The following RASGEF1C variants were observed in gnomAD, a reference collection of about 807,000 sequenced individuals.
RASGEF1C encodes the protein ras-GEF domain-containing family member 1C.
RASGEF1C carries 27 observed loss-of-function variants against 58.1 expected under a neutral mutation model. The observed-to-expected ratio is 0.46, with a 90% CI of 0.34 to 0.64. RASGEF1C has a LOEUF of 0.64. Ranked by LOEUF, RASGEF1C falls within the 30% of genes least tolerant of loss-of-function variation. RASGEF1C has a pLI of 0.01. For synonymous variants in RASGEF1C, 243 were observed against 246.3 expected (o/e 0.99, Z 0.13); for missense variants, 502 against 605.1 (o/e 0.83, Z 1.79).
At chr5:180,125,140 CCAA>C (rs759767490) in intron 6 of RASGEF1C, among the ~76,000 whole-genome samples, 4 of 151,898 alleles carry the variant, frequency 2.6e-5, no homozygotes, top group South Asian at 2.1e-4. Flanking sequence ...CTCAAAAATA[CCAA>C]CAACAACAAC....
chr5:180,152,846 A>G (rs1379911753), intron 1 of RASGEF1C, among the ~76,000 whole-genome samples: 8 of 148,056 alleles, frequency 5.4e-5, no homozygotes, highest in African/African-American at 1.8e-4. Context: ...GAGAGGCGGA[A>G]GTTGCAGTGG....
intron 1 of RASGEF1C, among the ~76,000 whole-genome samples, chr5:180,196,415 T>G (rs565310284): frequency 1.3e-5 from 2 of 151,640 alleles, no homozygotes; most frequent in Admixed American, 1.3e-4. Context: ...GCAGGAGAAT[T>G]GCTTGAATCC....
At chr5:180,110,959 G>A (rs1765950500) in intron 12 of RASGEF1C, among the ~76,000 whole-genome samples, 1 of 152,130 alleles carries the variant, frequency 6.6e-6, no homozygotes, top group Admixed American at 6.5e-5. Context: ...GGGATTACAG[G>A]TAGGCACTAC....
chr5:180,208,375 G>T (rs1223525011), intron 1 of RASGEF1C, among the ~76,000 whole-genome samples: 1 of 152,072 alleles, frequency 6.6e-6, no homozygotes, highest in East Asian at 1.9e-4. Flanking sequence ...AGCATGGGGC[G>T]GCGTCGCCAG....
chr5:180,148,998 G>A (rs1766703609), intron 1 of RASGEF1C, among the ~76,000 whole-genome samples: 1 of 151,838 alleles, frequency 6.6e-6, no homozygotes. Context: ...TTGGTTGACA[G>A]GTTTTTTTAC....
At chr5:180,125,663 T>C (rs919466073) in intron 6 of RASGEF1C, among the ~76,000 whole-genome samples, 1 of 151,908 alleles carries the variant, frequency 6.6e-6, no homozygotes, top group African/African-American at 2.4e-5. Flanking sequence ...ATGCCTGTAA[T>C]CCCAGCTACT....
intron 4 of RASGEF1C, among the ~76,000 whole-genome samples, chr5:180,129,059 C>T (rs532001623): frequency 6.6e-6 from 1 of 152,338 alleles, no homozygotes; most frequent in East Asian, 1.9e-4. Flanking sequence ...AGGCCCAGCT[C>T]GGCCTTCCCC....
At chr5:180,202,838 GATTAC>G (rs1756418600) in intron 1 of RASGEF1C, among the ~76,000 whole-genome samples, 1 of 152,102 alleles carries the variant, frequency 6.6e-6, no homozygotes, top group Non-Finnish European at 1.5e-5. Flanking sequence ...GACTAGCTGG[GATTAC>G]AGGTGCCCGC....
chr5:180,145,382 A>T (rs1487995880), intron 1 of RASGEF1C, among the ~76,000 whole-genome samples: 4 of 152,148 alleles, frequency 2.6e-5, no homozygotes. Flanking sequence ...CAGCCTCCCA[A>T]AGTGCTGGGA....
chr5:180,204,433 T>G (rs1214485677), intron 1 of RASGEF1C, among the ~76,000 whole-genome samples: 1 of 152,218 alleles, frequency 6.6e-6, no homozygotes, highest in African/African-American at 2.4e-5. Flanking sequence ...TATTCATACG[T>G]TTTGTGTCTG....
At chr5:180,152,575 AG>A (rs1356902390) in intron 1 of RASGEF1C, among the ~76,000 whole-genome samples, 3 of 49,220 alleles carry the variant, frequency 6.1e-5, no homozygotes, top group Admixed American at 3.2e-4. Flanking sequence ...GGGTGGGGGG[AG>A]GGGGGAGGGA....
At chr5:180,184,178 AAAATAAAT>A (rs71001083) in intron 1 of RASGEF1C, among the ~76,000 whole-genome samples, 13 of 142,292 alleles carry the variant, frequency 9.1e-5, no homozygotes, top group South Asian at 2.1e-4. Flanking sequence ...TAAATAAATA[AAAATAAAT>A]AAATAAATAA....
chr5:180,152,479 T>C (rs565804742), intron 1 of RASGEF1C, among the ~76,000 whole-genome samples: 4,058 of 145,088 alleles, frequency 0.028, 194 homozygotes, highest in African/African-American at 0.097. Flanking sequence ...AGCCAAACAC[T>C]GCATGTTCTC....
intron 1 of RASGEF1C, among the ~76,000 whole-genome samples, chr5:180,160,775 G>A (rs1766927768): frequency 6.6e-6 from 1 of 152,208 alleles, no homozygotes; most frequent in African/African-American, 2.4e-5. Context: ...TGCACAGCTT[G>A]AGAACGTCCC....
In RASGEF1C at chr5:180,137,837, G is replaced by C; in HGVS notation, c.177+39C>G. On this transcript the variant is annotated intron_variant, in intron 2 of 13. Transcript: ENST00000361132. This position sits in a 1 kb window ranked among gnomAD's most constrained non-coding sequence, Gnocchi z 4.1. ...CCTGATGCCCCCCGTGCGTGGTGGAGGAGAGCCCACTCTCCTGCCCGCTGG... is the reference window on the plus strand; with the variant it reads ...CCTGATGCCCCCCGTGCGTGGTGGACGAGAGCCCACTCTCCTGCCCGCTGG... The C allele has an allele frequency of 6.2e-7, 1 of 1,605,616 alleles. No individual in the cohort carries two copies. The highest frequency in any genetic ancestry group is 8.5e-7 in the Non-Finnish European group (1 of 1,176,648).
chr5:180,169,312 C>G (rs1445656705), intron 1 of RASGEF1C, among the ~76,000 whole-genome samples: 2 of 152,176 alleles, frequency 1.3e-5, no homozygotes, highest in African/African-American at 4.8e-5. Context: ...GGCTGCGCCC[C>G]GAACAGGCCA....
At chr5:180,170,514 G>GC (rs1322352179) in intron 1 of RASGEF1C, among the ~76,000 whole-genome samples, 1 of 152,212 alleles carries the variant, frequency 6.6e-6, no homozygotes, top group Non-Finnish European at 1.5e-5. Flanking sequence ...TGTCCTTCCA[G>GC]CCCCCGCGCT....
In RASGEF1C at chr5:180,128,586, G is replaced by A. The variant is rs1350501630; in HGVS notation, c.463C>T (p.Leu155Phe). The A allele has an allele frequency of 1.9e-6, 3 of 1,614,052 alleles. No homozygotes were observed. The highest frequency in any genetic ancestry group is 1.7e-6 in the Non-Finnish European group (2 of 1,180,026). The change falls in exon 5 of 14, where the codon CTC (leucine) becomes TTC (phenylalanine). Residue 155 changes from leucine (L) to phenylalanine (F), a missense_variant. Transcript: ENST00000361132. ...AGCTTCTGGTGCAGAGCCTGTAGGA[G>A]CTGATGCATCCTCTTCCGGTATGCC... ...DEAYRKRMHQ[L>F]LQALHQKLAA...
At chr5:180,138,082 G>A (rs1170224319) in intron 1 of RASGEF1C, 24 bp from the exon 2 acceptor site, 4 of 1,397,264 alleles carry the variant, frequency 2.9e-6, no homozygotes, top group African/African-American at 1.5e-5. Flanking sequence ...GAGCAGTGAG[G>A]ACCTGAGTGG....
Sources: allele counts gnomAD v4.1 joint callset (sites outside exome capture counted in the v4.1 genomes callset), GRCh38; gene constraint gnomAD v4.1.1; non-coding constraint Gnocchi (gnomAD v3.1); transcripts MANE v1.5; gene names NCBI Gene and HGNC (gene_info 2026-07-23, HGNC 2026-07-21).